RNF150: variants seen among roughly 807,000 people sequenced by gnomAD.
RNF150 encodes the protein ring finger protein 150.
Under a neutral mutation model 39.3 loss-of-function variants are expected in RNF150, and 24 were observed. The ratio of observed to expected loss-of-function variants is 0.61; its 90% CI spans 0.44 to 0.86. The LOEUF (loss-of-function observed/expected upper bound fraction) is 0.86. RNF150 is among the 40% of genes least tolerant of loss of function. The pLI is 0.00. For synonymous variants in RNF150, 255 were observed against 227.3 expected, an observed-to-expected ratio of 1.12 and a Z score of -1.10; for missense variants, 502 against 587.8, an observed-to-expected ratio of 0.85 and a Z score of 1.51.
intron 1 of RNF150, among the ~76,000 whole-genome samples, chr4:141,122,153 TGAGA>T (rs1428146144): frequency 1.3e-5 from 2 of 152,182 alleles, no homozygotes. Context: ...AAAGCCAATT[TGAGA>T]GAGAGCCACA....
chr4:140,943,203 G>A (rs1026873788), intron 4 of RNF150, among the ~76,000 whole-genome samples: 6 of 152,000 alleles, frequency 3.9e-5, no homozygotes, highest in African/African-American at 1.2e-4. Context: ...CAATAGTATC[G>A]AAGGCCAAAG....
chr4:141,192,926 C>A (rs1728134124), intron 1 of RNF150, among the ~76,000 whole-genome samples: 1 of 152,152 alleles, frequency 6.6e-6, no homozygotes, highest in Non-Finnish European at 1.5e-5. Flanking sequence ...GGCACTTTTG[C>A]CAGGTAGCTG....
At chr4:141,046,871 T>C (rs1461366581) in intron 1 of RNF150, among the ~76,000 whole-genome samples, 2 of 152,162 alleles carry the variant, frequency 1.3e-5, no homozygotes, top group Admixed American at 1.3e-4. Context: ...TCACCTTCTT[T>C]GCAAGTACAT....
Position 140,889,750 on chromosome 4 carries a change from T to C in RNF150, c.1199-21371A>G, listed in dbSNP as rs146857761. On this transcript the variant is annotated intron_variant, in intron 6 of 6. Coordinates refer to ENST00000515673, the MANE Select transcript of RNF150 (RefSeq NM_020724.2). Reference sequence around the variant, plus strand: ...CTTGATTGCCTGCCCTAATTAATAGTCCCTGGTCATTCTCTAACTCCTTAC... The same window carrying C: ...CTTGATTGCCTGCCCTAATTAATAGCCCCTGGTCATTCTCTAACTCCTTAC... 3.8e-3 allele frequency among the ~76,000 whole-genome samples: 585 copies of C among 152,326 alleles called. 4 individuals are homozygous for C. The highest frequency in any genetic ancestry group is 0.013 in the African/African-American group (539 of 41,580).
chr4:140,913,685 T>C (rs1156291203), intron 5 of RNF150, among the ~76,000 whole-genome samples: 1 of 152,194 alleles, frequency 6.6e-6, no homozygotes, highest in South Asian at 2.1e-4. Context: ...CTCACTCTAC[T>C]AGTCCCCAAA....
chr4:140,935,032 A>AGT (rs1560975622), intron 4 of RNF150, among the ~76,000 whole-genome samples: 1 of 9,336 alleles, frequency 1.1e-4, no homozygotes, highest in Middle Eastern at 0.036. Flanking sequence ...ATATATTTAT[A>AGT]ATATATATAT....
rs1247075568 is a variant in RNF150, at chr4:141,031,933, ATAT to A, written c.485-64063_485-64061del. On this transcript the variant is annotated intron_variant, in intron 1 of 6. Coordinates refer to ENST00000515673, the MANE Select transcript of RNF150 (RefSeq NM_020724.2). ...GATGAGCACCCCCATGTTCCCTGTA[ATAT>A]TATTCACAATAGTCAAGATATAAAA... is the stretch of plus-strand genomic sequence containing the variant. Among the ~76,000 whole-genome samples the A allele has an allele frequency of 7.2e-5, 11 of 152,136 alleles. No homozygotes were observed. In the East Asian group the frequency reaches 2.1e-3, roughly 29 times the overall value.
chr4:141,178,718 T>A (rs1727857972), intron 1 of RNF150, among the ~76,000 whole-genome samples: 1 of 152,104 alleles, frequency 6.6e-6, no homozygotes, highest in Non-Finnish European at 1.5e-5. Flanking sequence ...GCAGGTGGGA[T>A]CCATGTGGAT....
intron 1 of RNF150, among the ~76,000 whole-genome samples, chr4:141,196,349 C>G (rs977621582): frequency 6.6e-6 from 1 of 152,190 alleles, no homozygotes; most frequent in Non-Finnish European, 1.5e-5. Context: ...ATGACCCACA[C>G]TACATCAGTT....
chr4:140,907,124 T>C (rs1249661138), intron 6 of RNF150, among the ~76,000 whole-genome samples: 5 of 152,166 alleles, frequency 3.3e-5, no homozygotes, highest in Admixed American at 2.6e-4. Context: ...TTTTTTCCCC[T>C]GTGGAAGCAA....
Position 141,118,064 on chromosome 4 carries a change from C to T in RNF150, c.484+14261G>A, listed in dbSNP as rs79119549. Among the ~76,000 whole-genome samples the T allele has an allele frequency of 1.9e-3, 286 of 152,228 alleles. 4 individuals are homozygous for T. The East Asian group carries it at 0.051, about 27-fold the overall frequency. On this transcript the variant is annotated intron_variant, in intron 1 of 6. Coordinates refer to ENST00000515673, the MANE Select transcript of RNF150 (RefSeq NM_020724.2). ...TCCCTCACAGTGGCTGCTGACAGCC[C>T]CCTCCCCTCCCCCAGTATCATTTGG...
At chr4:141,170,399 G>A (rs1167635967) in intron 1 of RNF150, among the ~76,000 whole-genome samples, 1 of 152,116 alleles carries the variant, frequency 6.6e-6, no homozygotes, top group Admixed American at 6.5e-5. Flanking sequence ...AATGGCTGAA[G>A]GTTGCCTCTA....
At chr4:141,013,585 G>C (rs1165739479) in intron 1 of RNF150, among the ~76,000 whole-genome samples, 2 of 152,022 alleles carry the variant, frequency 1.3e-5, no homozygotes, top group Admixed American at 6.5e-5. Context: ...TCAAATATTT[G>C]CTCTTTCTTC....
At chr4:140,879,665 A>G (rs1360405187) in intron 6 of RNF150, among the ~76,000 whole-genome samples, 1 of 111,342 alleles carries the variant, frequency 9.0e-6, no homozygotes, top group African/African-American at 3.5e-5. Flanking sequence ...TCTACAGATG[A>G]AAAAAAACTA....
intron 1 of RNF150, among the ~76,000 whole-genome samples, chr4:141,171,758 A>G (rs976648787): frequency 6.6e-6 from 1 of 152,172 alleles, no homozygotes; most frequent in African/African-American, 2.4e-5. Context: ...ACTAGTTGAC[A>G]TAGGTTTTAT....
intron 6 of RNF150, among the ~76,000 whole-genome samples, chr4:140,898,549 C>T (rs1039505642): frequency 2.0e-5 from 3 of 152,214 alleles, no homozygotes; most frequent in Non-Finnish European, 4.4e-5. Context: ...CATATATGAA[C>T]ATGTTATAGG....
rs970294851 is a variant in RNF150, at chr4:140,861,085, A to G, written c.*7176T>C. The G allele has an allele frequency of 2.0e-5, 3 of 152,162 alleles. No individual in the cohort carries two copies. The highest frequency in any genetic ancestry group is 7.2e-5 in the African/African-American group (3 of 41,428). 9.4% of individuals were successfully genotyped at this position (152,162 alleles called of 1,614,324 possible). A position where few individuals can be genotyped will look rare whatever the true frequency, so the allele number is the denominator to read the frequency against. On this transcript the variant is annotated 3_prime_UTR_variant, in exon 7 of 7. Transcript: ENST00000515673. ...CCCCTACATCTCCTTCTAATTATAAAATGGTAGAACCATCTCAGATTACTA... is the reference window on the plus strand; with the variant it reads ...CCCCTACATCTCCTTCTAATTATAAGATGGTAGAACCATCTCAGATTACTA...
intron 1 of RNF150, among the ~76,000 whole-genome samples, chr4:141,163,399 A>T (rs1446241839): frequency 6.6e-6 from 1 of 152,184 alleles, no homozygotes; most frequent in Non-Finnish European, 1.5e-5. Flanking sequence ...AAACTTTCCC[A>T]CCTGCCTGCA....
intron 1 of RNF150, among the ~76,000 whole-genome samples, chr4:141,197,361 A>C (rs1673956410): frequency 6.6e-6 from 1 of 152,206 alleles, no homozygotes; most frequent in Admixed American, 6.5e-5. Flanking sequence ...GTAGTAGATT[A>C]TCTTAGTATT....
Sources: allele counts gnomAD v4.1 joint callset (sites outside exome capture counted in the v4.1 genomes callset), GRCh38; gene constraint gnomAD v4.1.1; transcripts MANE v1.5; gene names NCBI Gene and HGNC (gene_info 2026-07-23, HGNC 2026-07-21).